CA3: variants seen among roughly 807,000 people sequenced by gnomAD.
The protein encoded by CA3 is carbonic anhydrase 3.
In CA3, 30 loss-of-function variants were observed where a neutral mutation model predicts 35.7. The ratio of observed to expected loss-of-function variants is 0.84; its 90% CI spans 0.63 to 1.14. CA3 has a LOEUF of 1.14. CA3 is among the 50% of genes most tolerant of loss of function. CA3 has a pLI of 0.00. For synonymous variants in CA3, 131 were observed against 130.8 expected, an observed-to-expected ratio of 1.00 and a Z score of -0.01; for missense variants, 295 against 328.5, an observed-to-expected ratio of 0.90 and a Z score of 0.79.
Position 85,444,098 on chromosome 8 carries a change from G to GGATC in CA3, c.418_421dup (p.Ala141AspfsTer13). ...AAAGAAGCCCTGAAGCAGCGCGATG[G>GGATC]GATCGCTGTGATTGGCATTTTTCTG... On this transcript the variant is annotated frameshift_variant, in exon 4 of 7. Transcript: ENST00000285381. LOFTEE classifies it high-confidence loss of function. 1 of 1,613,180 alleles carries GGATC rather than the reference G, an allele frequency of 6.2e-7. No homozygotes were observed. Among genetic ancestry groups the GGATC allele is most frequent in the Non-Finnish European group, 8.5e-7 (1 of 1,179,156 alleles).
At position 85,448,188 on chromosome 8, in the gene CA3, C is replaced by T. The variant is rs1217006441; in HGVS notation, c.*35C>T. 1.9e-6 allele frequency: 3 copies of T among 1,597,446 alleles called. No homozygotes were observed. Among genetic ancestry groups the T allele is most frequent in the South Asian group, 1.1e-5 (1 of 87,672 alleles). On this transcript the variant is annotated 3_prime_UTR_variant, in exon 7 of 7. Coordinates refer to ENST00000285381, the MANE Select transcript of CA3 (RefSeq NM_005181.4). The stretch of plus-strand genomic sequence containing the variant: ...ATCTTGCCCTCTTCAGGAAAGGAAA[C>T]CTACCATTGGAGAGCTTGGTTCCTT...
intron 1 of CA3, among the ~76,000 whole-genome samples, chr8:85,439,493 C>A (rs552823541): frequency 1.3e-5 from 2 of 152,298 alleles, no homozygotes; most frequent in African/African-American, 4.8e-5. Flanking sequence ...TTTGAGCAGG[C>A]AGAGTGAACA....
rs781733235 is a variant in CA3 at position 85,448,073 on chromosome 8, G to A, written c.703G>A (p.Glu235Lys). Residue 235 changes from glutamate to lysine, a missense_variant, in exon 7 of 7, where the codon GAG becomes AAG. Transcript: ENST00000285381. ...GAGCCTCCTCTCCAGTGCTGAGAAC[G>A]AGCCCCCAGTGCCTCTTGTGAGCAA... ...LRSLLSSAENEPPVPLVSNWR... is the reference protein window; with the variant it reads ...LRSLLSSAENKPPVPLVSNWR... 4.3e-6 allele frequency: 7 copies of A among 1,613,392 alleles called. No homozygotes were observed. The highest frequency in any genetic ancestry group is 2.2e-5 in the East Asian group (1 of 44,876).
intron 6 of CA3, among the ~76,000 whole-genome samples, chr8:85,447,117 A>G (rs954927603): frequency 2.0e-5 from 3 of 151,470 alleles, no homozygotes; most frequent in East Asian, 1.9e-4. Flanking sequence ...AAGATCAGAT[A>G]TAACAACCTT....
Position 85,446,194 on chromosome 8 carries a change from G to T in CA3, c.560G>T (p.Cys187Phe), listed in dbSNP as rs148811381. 1 of 1,613,816 alleles carries T rather than the reference G, an allele frequency of 6.2e-7. No individual in the cohort carries two copies. The highest frequency in any genetic ancestry group is 1.3e-5 in the African/African-American group (1 of 74,942). ...KFDPSCLFPA[C>F]RDYWTYQGSF... Reference sequence around the variant, plus strand: ...GACCCATCCTGCCTGTTCCCGGCATGCCGGGACTACTGGACCTACCAGGGC... The same window carrying T: ...GACCCATCCTGCCTGTTCCCGGCATTCCGGGACTACTGGACCTACCAGGGC... Residue 187 changes from cysteine (C) to phenylalanine (F), a missense_variant, in exon 6 of 7, where the codon TGC becomes TTC. Cys to Phe is a radical substitution (Grantham distance 205). Coordinates refer to ENST00000285381, the MANE Select transcript of CA3 (RefSeq NM_005181.4).
chr8:85,445,503 AACACACACACACACACACAC>A (rs766933947), intron 5 of CA3, among the ~76,000 whole-genome samples: 1 of 123,296 alleles, frequency 8.1e-6, no homozygotes, highest in Non-Finnish European at 1.6e-5. Flanking sequence ...ATCCTCGCCC[AACACACACACACACACACAC>A]ACACACACAC....
intron 5 of CA3, among the ~76,000 whole-genome samples, chr8:85,445,790 AT>A (rs1234761852): frequency 3.9e-5 from 6 of 152,206 alleles, no homozygotes; most frequent in African/African-American, 1.4e-4. Context: ...CAAGCCTGAT[AT>A]TTTTTGGTAT....
chr8:85,440,353 T>C (rs1292232786), intron 2 of CA3, among the ~76,000 whole-genome samples: 1 of 152,212 alleles, frequency 6.6e-6, no homozygotes, highest in Non-Finnish European at 1.5e-5. Context: ...CTTTCTTCCC[T>C]TGGTGCCTGG....
intron 6 of CA3, among the ~76,000 whole-genome samples, chr8:85,447,534 G>GACACACTTTTT (rs1216506227): frequency 1.3e-5 from 2 of 152,242 alleles, no homozygotes; most frequent in Non-Finnish European, 2.9e-5. Context: ...TGTCACTCTA[G>GACACACTTTTT]AGCTGCTAGC....
intron 4 of CA3, among the ~76,000 whole-genome samples, chr8:85,444,332 A>G (rs1180050429): frequency 2.0e-5 from 3 of 151,740 alleles, no homozygotes; most frequent in Admixed American, 6.6e-5. Context: ...ACACTCCAGG[A>G]CCCCTAGCAC....
In CA3 at chr8:85,444,034, C is replaced by T. The variant is rs775191664; in HGVS notation, c.352C>T (p.Leu118Phe). The change falls in exon 4 of 7, where the codon CTT becomes TTT. Residue 118 changes from leucine (L) to phenylalanine (F), a missense_variant and splice_region_variant. By Grantham distance (22) the Leu-to-Phe change is conservative. Transcript: ENST00000285381. ...TVDGVKYAAE[L>F]HLVHWNPKYN... ...TCTAATCTGTCTTCTATGGTTTCAG[C>T]TTCATTTGGTTCACTGGAACCCGAA... 1.2e-6 allele frequency: 2 copies of T among 1,602,440 alleles called. No individual in the cohort carries two copies. Among genetic ancestry groups the T allele is most frequent in the Non-Finnish European group, 1.7e-6 (2 of 1,169,350 alleles).
At chr8:85,439,103 C>G (rs1212917063) in intron 1 of CA3, among the ~76,000 whole-genome samples, 160 bp downstream of exon 1, 1 of 152,230 alleles carries the variant, frequency 6.6e-6, no homozygotes, top group Non-Finnish European at 1.5e-5. Flanking sequence ...AATGCTGCTG[C>G]TTCTTTTTTT....
At position 85,439,706 on chromosome 8, in the gene CA3, T is replaced by G; in HGVS notation, c.35-6T>G. 6.2e-7 allele frequency: 1 copy of G among 1,607,424 alleles called. No homozygotes were observed. On this transcript the variant is annotated splice_polypyrimidine_tract_variant and splice_region_variant and intron_variant, in intron 1 of 6. Coordinates refer to ENST00000285381, the MANE Select transcript of CA3 (RefSeq NM_005181.4). ...ATAAATACATCTCCTCGACTTTATT[T>G]CCTAGGTCCTGACCACTGGCATGAA...
At chr8:85,446,121 C>T in intron 5 of CA3, 21 bp from the exon 6 acceptor site, 1 of 1,586,782 alleles carries the variant, frequency 6.3e-7, no homozygotes, top group Non-Finnish European at 8.6e-7. Context: ...CTCACTGCAC[C>T]TGCAACCTGC....
intron 3 of CA3, among the ~76,000 whole-genome samples, chr8:85,443,362 A>G (rs564972458): frequency 1.3e-5 from 2 of 152,324 alleles, no homozygotes; most frequent in South Asian, 2.1e-4. Flanking sequence ...TTCTTTTCCA[A>G]AGATAGGCTC....
chr8:85,442,299 C>G, intron 3 of CA3, 108 bp downstream of exon 3: 1 of 741,308 alleles, frequency 1.3e-6, no homozygotes, highest in Non-Finnish European at 2.5e-6. Flanking sequence ...TGTTTCAAGT[C>G]TATAGTTATG....
intron 3 of CA3, 56 bp from the exon 4 acceptor site, chr8:85,443,978 G>T: frequency 2.6e-6 from 3 of 1,155,264 alleles, no homozygotes; most frequent in Non-Finnish European, 3.9e-6. Flanking sequence ...GGATAATGTT[G>T]TACTTATTTC....
chr8:85,442,136 C>T lies in CA3; in HGVS notation c.296C>T (p.Ser99Phe). 1 of 1,612,208 alleles carries T rather than the reference C, an allele frequency of 6.2e-7. No homozygotes were observed. The highest frequency in any genetic ancestry group is 8.5e-7 in the Non-Finnish European group (1 of 1,178,258). ...RLRQFHLHWG[S>F]SDDHGSEHTV... ...CGCCAGTTTCATCTTCACTGGGGCT[C>T]TTCGGATGATCATGGCTCTGAGCAC... Residue 99 changes from serine (S) to phenylalanine (F), a missense_variant, in exon 3 of 7, where the codon TCT becomes TTT. By Grantham distance (155) the Ser-to-Phe change is radical (BLOSUM62 -2). Transcript: ENST00000285381.
intron 3 of CA3, chr8:85,442,467 C>T (rs1811221331): frequency 3.4e-6 from 1 of 290,824 alleles, no homozygotes; most frequent in Non-Finnish European, 6.7e-6. Flanking sequence ...AATCTCAACA[C>T]TTTGGGAGGC....
Sources: gnomAD v4.1 joint callset for allele counts (sites outside exome capture counted in the v4.1 genomes callset) on GRCh38, gnomAD v4.1.1 for gene constraint, MANE v1.5 for transcripts, NCBI Gene and HGNC (gene_info 2026-07-23, HGNC 2026-07-21) for gene names.